Variants in KLHL4 observed in about 807,000 individuals in gnomAD.
The protein encoded by KLHL4 is kelch like family member 4.
A neutral mutation model predicts 45.8 loss-of-function variants in KLHL4; 17 were observed. The ratio of observed to expected loss-of-function variants is 0.37; its 90% CI spans 0.25 to 0.56. KLHL4 has a LOEUF of 0.56. Ranked by LOEUF, KLHL4 falls within the 20% of genes least tolerant of loss-of-function variation. KLHL4 has a pLI of 0.79. For synonymous variants in KLHL4, 224 were observed against 189.9 expected (o/e 1.18, Z -1.47); for missense variants, 544 against 544.9 (o/e 1.00, Z 0.02).
At chrX:87,568,659 AC>A (rs768959261) in intron 1 of KLHL4, among the ~76,000 whole-genome samples, 36 of 110,808 alleles carry the variant, frequency 3.2e-4, no homozygotes, top group Non-Finnish European at 5.9e-4. Context: ...ATATAGACCA[AC>A]AAAATAAAAA....
At chrX:87,586,170 A>T (rs890986483) in intron 1 of KLHL4, among the ~76,000 whole-genome samples, 45 of 111,367 alleles carry the variant, frequency 4.0e-4, no homozygotes, top group Non-Finnish European at 7.4e-4. Flanking sequence ...ACCCAGTACA[A>T]TAATAGCAGG....
At chrX:87,579,587 G>A (rs1452820089) in intron 1 of KLHL4, among the ~76,000 whole-genome samples, 1 of 110,915 alleles carries the variant, frequency 9.0e-6, no homozygotes, top group East Asian at 2.9e-4. Context: ...AAATCTGTAA[G>A]AGACAGACAA....
intron 1 of KLHL4, among the ~76,000 whole-genome samples, chrX:87,590,326 C>A (rs1234076245): frequency 9.1e-6 from 1 of 110,164 alleles, no homozygotes; most frequent in East Asian, 2.9e-4. Context: ...ACGATATAAT[C>A]CTGATGAAAA....
At chrX:87,592,741 G>A (rs2147801271) in intron 1 of KLHL4, among the ~76,000 whole-genome samples, 1 of 111,878 alleles carries the variant, frequency 8.9e-6, no homozygotes, top group Non-Finnish European at 1.9e-5. Flanking sequence ...CAGTTCTTTT[G>A]CCTATTTTAA....
chrX:87,647,277 A>C (rs1923668496), intron 9 of KLHL4, among the ~76,000 whole-genome samples: 1 of 112,125 alleles, frequency 8.9e-6, no homozygotes, highest in Non-Finnish European at 1.9e-5. Context: ...AACACTTTAC[A>C]CTATTGGTGG....
intron 9 of KLHL4, among the ~76,000 whole-genome samples, chrX:87,647,700 T>G (rs1223375143): frequency 1.8e-5 from 2 of 111,212 alleles, no homozygotes; most frequent in Non-Finnish European, 3.8e-5. Flanking sequence ...GGCATAAGAA[T>G]GATACAATGA....
At chrX:87,628,230 A>G (rs760887148) in intron 6 of KLHL4, among the ~76,000 whole-genome samples, 2 of 112,016 alleles carry the variant, frequency 1.8e-5, no homozygotes, top group Non-Finnish European at 3.8e-5. Flanking sequence ...TTAGATAGCC[A>G]ACCAAAGGAC....
intron 1 of KLHL4, among the ~76,000 whole-genome samples, chrX:87,568,046 A>G (rs1454731433): frequency 9.0e-6 from 1 of 111,609 alleles, no homozygotes; most frequent in African/African-American, 3.3e-5. Context: ...ATGAATGTTG[A>G]AGAAATTATG....
intron 1 of KLHL4, among the ~76,000 whole-genome samples, chrX:87,584,621 T>C (rs1030360502): frequency 9.1e-6 from 1 of 110,192 alleles, no homozygotes; most frequent in Non-Finnish European, 1.9e-5. Context: ...TAGCAGAAGA[T>C]AGTAATAGTG....
intron 1 of KLHL4, among the ~76,000 whole-genome samples, chrX:87,601,732 T>G (rs1184377273): frequency 9.0e-6 from 1 of 111,659 alleles, no homozygotes; most frequent in South Asian, 3.8e-4. Context: ...CCTGGCCTCA[T>G]GTGCCTGGCT....
chrX:87,544,865 C>T (rs1054939435), intron 1 of KLHL4, among the ~76,000 whole-genome samples: 1 of 111,620 alleles, frequency 9.0e-6, no homozygotes, highest in African/African-American at 3.3e-5. Context: ...GTGAAAACAA[C>T]AATAAATACC....
At chrX:87,627,768 G>A (rs997994488) in intron 6 of KLHL4, among the ~76,000 whole-genome samples, 14 of 111,554 alleles carry the variant, frequency 1.3e-4, no homozygotes, top group African/African-American at 3.9e-4. Context: ...GTTATCTTTC[G>A]TTTCTGACTC....
chrX:87,667,715 C>G lies in KLHL4; in HGVS notation c.*1181C>G. 9 of 674,989 alleles carry G rather than the reference C, an allele frequency of 1.3e-5. No homozygotes were observed. The highest frequency in any genetic ancestry group is 1.6e-5 in the Non-Finnish European group (9 of 567,381). 55.6% of individuals were successfully genotyped at this position (674,989 alleles called of 1,213,427 possible). A position where few individuals can be genotyped will look rare whatever the true frequency, so the allele number is the denominator to read the frequency against. On this transcript the variant is annotated 3_prime_UTR_variant, in exon 11 of 11. Coordinates refer to ENST00000373119, the MANE Select transcript of KLHL4 (RefSeq NM_019117.5). ...AACTAAGATGAAATATTGAAAAACC[C>G]TTTGTGAAAGTAACTTTTCAAGTAA...
chrX:87,586,864 A>G (rs1446921030), intron 1 of KLHL4, among the ~76,000 whole-genome samples: 3 of 110,826 alleles, frequency 2.7e-5, no homozygotes, highest in Non-Finnish European at 5.7e-5. Flanking sequence ...GTTAAACAAA[A>G]TTGACAAACT....
chrX:87,615,771 TA>T (rs200776424), intron 3 of KLHL4, among the ~76,000 whole-genome samples: 2 of 110,484 alleles, frequency 1.8e-5, no homozygotes, highest in African/African-American at 6.6e-5. Flanking sequence ...ATGTACAAAA[TA>T]AAAAAAATTG....
chrX:87,553,302 T>C (rs1381191887), intron 1 of KLHL4, among the ~76,000 whole-genome samples: 1 of 110,841 alleles, frequency 9.0e-6, no homozygotes, highest in African/African-American at 3.3e-5. Context: ...TATCATACTT[T>C]GACTCAATGT....
intron 1 of KLHL4, among the ~76,000 whole-genome samples, chrX:87,601,409 G>A (rs1922012956): frequency 9.0e-6 from 1 of 111,536 alleles, no homozygotes; most frequent in South Asian, 3.8e-4. Flanking sequence ...GGGGCCACGT[G>A]CAGGGTGTTT....
intron 1 of KLHL4, among the ~76,000 whole-genome samples, chrX:87,536,810 A>G (rs1347316783): frequency 9.0e-6 from 1 of 111,532 alleles, no homozygotes; most frequent in African/African-American, 3.2e-5. Context: ...ATGTCATTAT[A>G]TTTTCATTTT....
chrX:87,564,476 A>G (rs959949836), intron 1 of KLHL4, among the ~76,000 whole-genome samples: 8 of 111,706 alleles, frequency 7.2e-5, no homozygotes, highest in Admixed American at 1.9e-4. Flanking sequence ...ACAGGTTGAA[A>G]GTGAAATAAT....
Sources: allele counts gnomAD v4.1 joint callset (sites outside exome capture counted in the v4.1 genomes callset), GRCh38; gene constraint gnomAD v4.1.1; transcripts MANE v1.5; gene names NCBI Gene and HGNC (gene_info 2026-07-23, HGNC 2026-07-21).